Variants in IKZF2 observed in about 807,000 individuals in gnomAD.
IKZF2 encodes the protein zinc finger protein Helios.
Under a neutral mutation model 49.2 loss-of-function variants are expected in IKZF2, and 15 were observed. The ratio of observed to expected loss-of-function variants is 0.30; its 90% CI spans 0.20 to 0.47. IKZF2 has a LOEUF of 0.47. Ranked by LOEUF, IKZF2 falls within the 20% of genes least tolerant of loss-of-function variation. The pLI is 1.00. For synonymous variants in IKZF2, 227 were observed against 221.4 expected, an observed-to-expected ratio of 1.03 and a Z score of -0.23; for missense variants, 567 against 664.6, an observed-to-expected ratio of 0.85 and a Z score of 1.61.
chr2:213,022,635 G>T (rs527674798), intron 6 of IKZF2, among the ~76,000 whole-genome samples: 1 of 152,200 alleles, frequency 6.6e-6, no homozygotes, highest in Non-Finnish European at 1.5e-5. Flanking sequence ...GAACTCAAGT[G>T]GTGAGAAAAA....
chr2:213,022,230 A>G, intron 6 of IKZF2, 100 bp from the exon 7 acceptor site: 1 of 1,129,776 alleles, frequency 8.9e-7, no homozygotes, highest in Non-Finnish European at 1.2e-6. Context: ...CACTCATATA[A>G]TTTTCAGACT....
intron 4 of IKZF2, among the ~76,000 whole-genome samples, chr2:213,122,552 A>G (rs1225750898): frequency 6.6e-6 from 1 of 152,238 alleles, no homozygotes; most frequent in Non-Finnish European, 1.5e-5. Context: ...ATTGGTTTTA[A>G]GGATTATTCT....
At chr2:213,049,620 G>A in intron 6 of IKZF2, 93 bp downstream of exon 6, 1 of 913,960 alleles carries the variant, frequency 1.1e-6, no homozygotes, top group East Asian at 2.7e-5. Flanking sequence ...GGTCATTACC[G>A]ACTACATAAC....
At chr2:213,124,218 T>C (rs976928749) in intron 4 of IKZF2, among the ~76,000 whole-genome samples, 1 of 147,012 alleles carries the variant, frequency 6.8e-6, no homozygotes, top group East Asian at 2.2e-4. Context: ...GTGCATGTCC[T>C]TGTGTGCACG....
At chr2:213,140,301 G>A (rs1476536347) in intron 4 of IKZF2, among the ~76,000 whole-genome samples, 2 of 151,668 alleles carry the variant, frequency 1.3e-5, no homozygotes, top group African/African-American at 4.8e-5. Flanking sequence ...GTCCCATCTA[G>A]GTAACCTCAT....
chr2:213,109,695 C>T (rs1254223684), intron 4 of IKZF2, among the ~76,000 whole-genome samples: 3 of 151,858 alleles, frequency 2.0e-5, no homozygotes, highest in African/African-American at 7.2e-5. Context: ...CCTAACACTA[C>T]CATTATTATC....
intron 4 of IKZF2, among the ~76,000 whole-genome samples, chr2:213,071,848 T>C (rs1702738626): frequency 6.6e-6 from 1 of 152,120 alleles, no homozygotes; most frequent in East Asian, 1.9e-4. Context: ...AATTATATAA[T>C]TGTCTTTTTT....
At chr2:213,118,068 A>G (rs546272071) in intron 4 of IKZF2, among the ~76,000 whole-genome samples, 1 of 152,380 alleles carries the variant, frequency 6.6e-6, no homozygotes, top group African/African-American at 2.4e-5. Context: ...GACGGCTTAT[A>G]AATGGACTTA....
At chr2:213,132,100 T>TC (rs1355300023) in intron 4 of IKZF2, among the ~76,000 whole-genome samples, 1 of 152,110 alleles carries the variant, frequency 6.6e-6, no homozygotes, top group Non-Finnish European at 1.5e-5. Context: ...GCACTAACTT[T>TC]CCCTATTTTA....
chr2:213,072,301 T>G (rs1702794037), intron 4 of IKZF2, among the ~76,000 whole-genome samples: 1 of 151,814 alleles, frequency 6.6e-6, no homozygotes, highest in Non-Finnish European at 1.5e-5. Context: ...CCTTTGTTTT[T>G]TTTTTTTTCT....
intron 4 of IKZF2, among the ~76,000 whole-genome samples, chr2:213,122,543 T>C (rs984769190): frequency 2.0e-5 from 3 of 152,196 alleles, no homozygotes; most frequent in African/African-American, 7.2e-5. Flanking sequence ...TAAAAATAAA[T>C]TGGTTTTAAG....
chr2:213,083,719 T>C (rs1014800291), intron 4 of IKZF2, among the ~76,000 whole-genome samples: 4 of 151,326 alleles, frequency 2.6e-5, no homozygotes, highest in African/African-American at 7.3e-5. Context: ...GCGAACTTTA[T>C]TGTGAACTGC....
chr2:213,044,692 G>A (rs1439112690), intron 6 of IKZF2, among the ~76,000 whole-genome samples: 4 of 152,188 alleles, frequency 2.6e-5, no homozygotes. Flanking sequence ...GACAAACTGA[G>A]TGCCTGGAAT....
chr2:213,019,769 C>G (rs1338073464), intron 7 of IKZF2, among the ~76,000 whole-genome samples: 2 of 152,182 alleles, frequency 1.3e-5, no homozygotes, highest in East Asian at 1.9e-4. Context: ...AGCTTCAGCA[C>G]CACCTGTAAA....
At chr2:213,092,379 A>C (rs1705446781) in intron 4 of IKZF2, among the ~76,000 whole-genome samples, 1 of 152,126 alleles carries the variant, frequency 6.6e-6, no homozygotes, top group African/African-American at 2.4e-5. Flanking sequence ...CTACCATTTC[A>C]ATGTACAGTT....
At chr2:213,052,730 T>C (rs1253141751) in intron 5 of IKZF2, among the ~76,000 whole-genome samples, 1 of 152,070 alleles carries the variant, frequency 6.6e-6, no homozygotes, top group African/African-American at 2.4e-5. Context: ...AATATCCATA[T>C]CTGTCTAATA....
In IKZF2 at chr2:213,002,629, C is replaced by T. The variant is rs1040608548; in HGVS notation, c.*4731G>A. 1 of 151,756 alleles carries T rather than the reference C, an allele frequency of 6.6e-6. No homozygotes were observed. The highest frequency in any genetic ancestry group is 2.4e-5 in the African/African-American group (1 of 41,336). 9.4% of individuals were successfully genotyped at this position (151,756 alleles called of 1,614,324 possible). ...GTAATACACAACCATGATATGAAAC[C>T]ATTTGAGATTATGCTTTGGAGAATA... On this transcript the variant is annotated 3_prime_UTR_variant, in exon 9 of 9. Transcript: ENST00000434687.
intron 4 of IKZF2, among the ~76,000 whole-genome samples, chr2:213,119,229 A>G (rs2059972313): frequency 6.6e-6 from 1 of 152,202 alleles, no homozygotes; most frequent in African/African-American, 2.4e-5. Context: ...AAAGAAAAAA[A>G]GAATAGTAAA....
intron 4 of IKZF2, among the ~76,000 whole-genome samples, chr2:213,115,132 A>C (rs1398516306): frequency 6.6e-6 from 1 of 152,210 alleles, no homozygotes; most frequent in Non-Finnish European, 1.5e-5. Context: ...CATTATAATA[A>C]AGCATACTGC....
Sources: gnomAD v4.1 joint callset for allele counts (sites outside exome capture counted in the v4.1 genomes callset) on GRCh38, gnomAD v4.1.1 for gene constraint, MANE v1.5 for transcripts, NCBI Gene and HGNC (gene_info 2026-07-23, HGNC 2026-07-21) for gene names.